The following LRRC9 variants were observed in gnomAD, a reference collection of about 807,000 sequenced individuals.
LRRC9 encodes the protein leucine-rich repeat-containing protein 9.
LRRC9 carries 122 observed loss-of-function variants against 63.2 expected under a neutral mutation model. The observed-to-expected ratio is 1.93, with a 90% CI of 1.67 to 2.24. The LOEUF (loss-of-function observed/expected upper bound fraction) is 2.24. Ranked by LOEUF, LRRC9 falls within the 30% of genes most tolerant of loss-of-function variation. LRRC9 has a pLI of 0.00. For synonymous variants in LRRC9, 366 were observed against 213.1 expected (o/e 1.72, Z -6.25); for missense variants, 1,071 against 627.7 (o/e 1.71, Z -7.55).
intron 17 of LRRC9, among the ~76,000 whole-genome samples, chr14:59,987,578 AGATACATCGCTATATGCCTC>A (rs1284055266): frequency 6.6e-6 from 1 of 151,598 alleles, no homozygotes; most frequent in Non-Finnish European, 1.5e-5. Flanking sequence ...TGCTTACTTA[AGATACATCGCTATATGCCTC>A]CCATCTTCTA....
At chr14:60,056,184 C>T (rs1217300271) in intron 30 of LRRC9, among the ~76,000 whole-genome samples, 1 of 152,146 alleles carries the variant, frequency 6.6e-6, no homozygotes, top group African/African-American at 2.4e-5. Flanking sequence ...AAGGTATTCA[C>T]AGGTTTTGGG....
At chr14:60,037,016 T>G (rs1440405241) in intron 29 of LRRC9, among the ~76,000 whole-genome samples, 1 of 152,120 alleles carries the variant, frequency 6.6e-6, no homozygotes, top group Admixed American at 6.5e-5. Flanking sequence ...ACATGTGGTG[T>G]TTGGTTTTCT....
chr14:60,048,870 G>A (rs913401178), intron 29 of LRRC9, among the ~76,000 whole-genome samples: 37 of 152,148 alleles, frequency 2.4e-4, no homozygotes, highest in Admixed American at 6.5e-5. Flanking sequence ...TCTGATGACT[G>A]TTGAGGCAAA....
chr14:59,961,000 CTG>C lies in LRRC9; in HGVS notation c.1169_1170del (p.Val390GlyfsTer6), dbSNP rs1884299202. 2.9e-6 allele frequency: 2 copies of C among 693,212 alleles called. No homozygotes were observed. Among genetic ancestry groups the C allele is most frequent in the Non-Finnish European group, 5.3e-6 (2 of 380,906 alleles). 42.9% of individuals were successfully genotyped at this position (693,212 alleles called of 1,614,324 possible). On this transcript the variant is annotated frameshift_variant, in exon 10 of 32. Coordinates refer to ENST00000445360, the Ensembl canonical transcript of LRRC9. LOFTEE classifies it high-confidence loss of function. ...CCACTTTTGTTAATTGAGTTAGAGA[CTG>C]TGGGAAATTTCCATTTTGAAGAAGG...
intron 31 of LRRC9, among the ~76,000 whole-genome samples, chr14:60,061,378 C>T (rs1234312200): frequency 6.6e-6 from 1 of 152,204 alleles, no homozygotes; most frequent in Non-Finnish European, 1.5e-5. Flanking sequence ...AGACAAGACC[C>T]TCCAACAGCA....
chr14:60,063,540 A>G lies in LRRC9; in HGVS notation c.*132A>G. On this transcript the variant is annotated 3_prime_UTR_variant, in exon 32 of 32. Transcript: ENST00000445360. ...TTACCCTTCATGAACTTGATTTAAT[A>G]TCACCTCTCTTAAACTTTCTTTATG... The G allele has an allele frequency of 6.0e-6, 3 of 498,372 alleles. No homozygotes were observed. In the South Asian group the frequency reaches 9.7e-5, roughly 16 times the overall value. The allele number at this position is 498,372 out of a possible 1,614,324, so 30.9% of individuals were successfully genotyped here.
At chr14:60,040,457 A>G (rs1036930966) in intron 29 of LRRC9, among the ~76,000 whole-genome samples, 27 of 152,082 alleles carry the variant, frequency 1.8e-4, no homozygotes, top group Admixed American at 5.2e-4. Flanking sequence ...TATTGGGTGC[A>G]TATATATGTA....
rs140525122 is a variant in LRRC9, at chr14:60,053,383, T to TCACACACACA, written c.4131+207_4131+216dup. On this transcript the variant is annotated intron_variant, in intron 30 of 31. Transcript: ENST00000445360. This position sits in a 1 kb window ranked among gnomAD's most constrained non-coding sequence, Gnocchi z 4.8. ...GATTTGGTGAATAGAGCATGCGTGCTCACACACACACACACACACACACAC... is the reference window on the plus strand; with the variant it reads ...GATTTGGTGAATAGAGCATGCGTGCTCACACACACACACACACACACACACACACACACAC... 2.9e-3 allele frequency among the ~76,000 whole-genome samples: 246 copies of TCACACACACA among 85,714 alleles called. No homozygotes were observed. The highest frequency in any genetic ancestry group is 4.0e-3 in the African/African-American group (129 of 32,062). The allele number at this position is 85,714 out of a possible 152,430, so 56.2% of individuals were successfully genotyped here.
rs1452024612 is a variant in LRRC9, at chr14:60,058,666, T to C, written c.4276+644T>C. The stretch of plus-strand genomic sequence containing the variant: ...GTTATCATTTTGGCAAAACTGGGGG[T>C]AAGTACTCCTTCTCTGAGGGCTCAC... On this transcript the variant is annotated intron_variant, in intron 31 of 31. Coordinates refer to ENST00000445360, the Ensembl canonical transcript of LRRC9. The surrounding 1 kb of genome is among the most constrained non-coding windows in gnomAD (Gnocchi z 4.4). Among the ~76,000 whole-genome samples the C allele has an allele frequency of 6.6e-6, 1 of 152,128 alleles. No homozygotes were observed. The highest frequency in any genetic ancestry group is 1.5e-5 in the Non-Finnish European group (1 of 68,012).
intron 18 of LRRC9, among the ~76,000 whole-genome samples, 162 bp from the exon 19 acceptor site, chr14:59,998,939 A>G (rs1487169277): frequency 1.3e-5 from 2 of 152,128 alleles, no homozygotes; most frequent in African/African-American, 4.8e-5. Flanking sequence ...ATTATTCAAC[A>G]TAATTTCAAC....
chr14:60,008,126 G>C, exon 23 of LRRC9: 1 of 701,140 alleles, frequency 1.4e-6, no homozygotes, highest in East Asian at 2.7e-5. Context: ...GACATGTGTG[G>C]GAACATCATT....
chr14:59,967,717 T>A (rs556249065), intron 12 of LRRC9, among the ~76,000 whole-genome samples: 2 of 152,182 alleles, frequency 1.3e-5, no homozygotes, highest in African/African-American at 4.8e-5. Flanking sequence ...ACCTCCACCA[T>A]CTTGACAAGG....
chr14:60,001,534 G>A (rs1447170587), intron 19 of LRRC9, among the ~76,000 whole-genome samples: 1 of 152,086 alleles, frequency 6.6e-6, no homozygotes, highest in African/African-American at 2.4e-5. Flanking sequence ...ATGATATATT[G>A]TTTATGGACA....
chr14:60,050,476 TTA>T (rs1370499976), intron 29 of LRRC9, among the ~76,000 whole-genome samples: 1 of 152,196 alleles, frequency 6.6e-6, no homozygotes, highest in East Asian at 1.9e-4. Flanking sequence ...TATTGTTTTA[TTA>T]TGTTTCTTAG....
intron 8 of LRRC9, among the ~76,000 whole-genome samples, chr14:59,959,540 G>C (rs747056655): frequency 2.6e-5 from 4 of 152,148 alleles, no homozygotes; most frequent in African/African-American, 9.7e-5. Context: ...AAAATCTGTT[G>C]CTTTGCTTAT....
At chr14:59,961,710 G>C (rs1884368968) in intron 10 of LRRC9, among the ~76,000 whole-genome samples, 1 of 152,132 alleles carries the variant, frequency 6.6e-6, no homozygotes, top group Non-Finnish European at 1.5e-5. Context: ...AGGCCTACTA[G>C]TAGATACTAG....
At position 60,004,323 on chromosome 14, in the gene LRRC9, T is replaced by A. The variant is rs1351675013; in HGVS notation, c.2842+525T>A. ...CTAGTTCTGTTTTGAAAATATAAAA[T>A]TGAGGTTATATTTGGAAATTTGAAT... is the stretch of plus-strand genomic sequence containing the variant. On this transcript the variant is annotated intron_variant, in intron 21 of 31. Coordinates refer to ENST00000445360, the Ensembl canonical transcript of LRRC9. The surrounding 1 kb of genome is among the most constrained non-coding windows in gnomAD (Gnocchi z 4.8). Among the ~76,000 whole-genome samples, 1 of 152,044 alleles carries A rather than the reference T, an allele frequency of 6.6e-6. No individual in the cohort carries two copies. Among genetic ancestry groups the A allele is most frequent in the Admixed American group, 6.6e-5 (1 of 15,260 alleles).
chr14:59,993,147 G>A (rs1031052423), intron 17 of LRRC9, among the ~76,000 whole-genome samples: 1 of 152,184 alleles, frequency 6.6e-6, no homozygotes, highest in Admixed American at 6.5e-5. Flanking sequence ...GGACAGTGGG[G>A]ACCAATATTC....
intron 17 of LRRC9, among the ~76,000 whole-genome samples, chr14:59,985,728 T>G (rs1211218164): frequency 1.3e-5 from 2 of 152,130 alleles, no homozygotes; most frequent in African/African-American, 4.8e-5. Flanking sequence ...CGGCTTCATA[T>G]CTACCATTTA....
Sources: gnomAD v4.1 joint callset for allele counts (sites outside exome capture counted in the v4.1 genomes callset) on GRCh38, gnomAD v4.1.1 for gene constraint, Gnocchi (gnomAD v3.1) non-coding constraint, MANE v1.5 for transcripts, NCBI Gene and HGNC (gene_info 2026-07-23, HGNC 2026-07-21) for gene names.